The following MSRB3 variants were observed in gnomAD, a reference collection of about 807,000 sequenced individuals.
The protein encoded by MSRB3 is methionine sulfoxide reductase B3.
In MSRB3, 13 loss-of-function variants were observed where a neutral mutation model predicts 21.0. The ratio of observed to expected loss-of-function variants is 0.62; its 90% CI spans 0.40 to 0.98. MSRB3 has a LOEUF of 0.98. MSRB3 is among the 50% of genes least tolerant of loss of function. The pLI is 0.00. For synonymous variants in MSRB3, 87 were observed against 88.6 expected (o/e 0.98, Z 0.10); for missense variants, 199 against 230.3 (o/e 0.86, Z 0.88).
At chr12:65,312,175 G>C (rs570644104) in intron 2 of MSRB3, among the ~76,000 whole-genome samples, 5 of 152,152 alleles carry the variant, frequency 3.3e-5, no homozygotes, top group Admixed American at 6.5e-5. Context: ...ATTAAAATTA[G>C]ATAGTATATT....
intron 4 of MSRB3, among the ~76,000 whole-genome samples, chr12:65,346,568 G>T (rs1228958381): frequency 6.6e-6 from 1 of 152,066 alleles, no homozygotes; most frequent in Non-Finnish European, 1.5e-5. Flanking sequence ...TTCTTTTGCT[G>T]TGCAGAAGCT....
At chr12:65,349,351 T>C (rs1405994501) in intron 4 of MSRB3, among the ~76,000 whole-genome samples, 3 of 151,908 alleles carry the variant, frequency 2.0e-5, no homozygotes, top group African/African-American at 7.3e-5. Flanking sequence ...CTATTGTGAA[T>C]AATGCCACAA....
At chr12:65,345,907 T>C (rs1876469648) in intron 4 of MSRB3, among the ~76,000 whole-genome samples, 1 of 152,172 alleles carries the variant, frequency 6.6e-6, no homozygotes, top group African/African-American at 2.4e-5. Flanking sequence ...ACAAAGGACG[T>C]GAAATCATCA....
chr12:65,365,763 A>G (rs970429143), intron 4 of MSRB3, among the ~76,000 whole-genome samples: 2 of 152,180 alleles, frequency 1.3e-5, no homozygotes, highest in African/African-American at 4.8e-5. Context: ...TACACCTTAT[A>G]ATGAAAAATG....
chr12:65,293,492 A>C (rs1872774137), intron 1 of MSRB3, among the ~76,000 whole-genome samples: 1 of 151,832 alleles, frequency 6.6e-6, no homozygotes, highest in South Asian at 2.1e-4. Context: ...AATAAGCTAC[A>C]CTCTTACCTC....
intron 1 of MSRB3, chr12:65,279,624 C>G (rs1250497141): frequency 6.6e-6 from 1 of 152,164 alleles, no homozygotes; most frequent in Non-Finnish European, 1.5e-5. Flanking sequence ...AAGTGCTGTT[C>G]CTGCCTTATT....
chr12:65,290,524 A>G (rs973513238), intron 1 of MSRB3, among the ~76,000 whole-genome samples: 3 of 152,226 alleles, frequency 2.0e-5, no homozygotes, highest in Non-Finnish European at 2.9e-5. Flanking sequence ...GCCATGACAC[A>G]ATGTAATTTT....
At chr12:65,294,604 G>A (rs1044750756) in intron 1 of MSRB3, among the ~76,000 whole-genome samples, 2 of 152,102 alleles carry the variant, frequency 1.3e-5, no homozygotes, top group African/African-American at 2.4e-5. Flanking sequence ...ATGCATGTGC[G>A]AGCAATTTGT....
intron 2 of MSRB3, among the ~76,000 whole-genome samples, chr12:65,317,379 C>T (rs894562431): frequency 4.6e-5 from 7 of 152,154 alleles, no homozygotes; most frequent in East Asian, 1.9e-4. Flanking sequence ...ACTTTCTCCC[C>T]GCCTTTTTAG....
intron 4 of MSRB3, among the ~76,000 whole-genome samples, chr12:65,335,191 C>A (rs1875682632): frequency 6.6e-6 from 1 of 152,128 alleles, no homozygotes; most frequent in African/African-American, 2.4e-5. Flanking sequence ...AGGTATTCAA[C>A]AAATGTTAAA....
intron 5 of MSRB3, among the ~76,000 whole-genome samples, chr12:65,389,235 C>G (rs1217575776): frequency 6.6e-6 from 1 of 152,178 alleles, no homozygotes; most frequent in Non-Finnish European, 1.5e-5. Flanking sequence ...ACTATCCTCA[C>G]AGTCATTTCT....
intron 4 of MSRB3, among the ~76,000 whole-genome samples, chr12:65,346,403 A>G (rs1592546491): frequency 1.3e-5 from 2 of 152,232 alleles, no homozygotes; most frequent in South Asian, 2.1e-4. Flanking sequence ...GTGTCTGTTC[A>G]TATCCTTCAC....
intron 6 of MSRB3, among the ~76,000 whole-genome samples, chr12:65,462,607 G>A (rs1387880552): frequency 2.0e-5 from 3 of 152,176 alleles, no homozygotes; most frequent in Admixed American, 1.3e-4. Flanking sequence ...TTGCAGCCCT[G>A]GTGACTGTGA....
intron 1 of MSRB3, among the ~76,000 whole-genome samples, chr12:65,282,852 G>A (rs1294219443): frequency 6.6e-6 from 1 of 152,086 alleles, no homozygotes; most frequent in East Asian, 1.9e-4. Context: ...TTTCCCTAAA[G>A]TCTCTTCTAA....
chr12:65,435,763 C>G (rs1882087121), intron 5 of MSRB3, among the ~76,000 whole-genome samples: 1 of 151,848 alleles, frequency 6.6e-6, no homozygotes, highest in South Asian at 2.1e-4. Flanking sequence ...ATTCATTTCT[C>G]ATAAGAAAGG....
chr12:65,392,811 G>T (rs1879555845), intron 5 of MSRB3, among the ~76,000 whole-genome samples: 2 of 152,132 alleles, frequency 1.3e-5, no homozygotes, highest in Non-Finnish European at 2.9e-5. Context: ...CCCTCTTGTT[G>T]ACTTGTTGCT....
intron 4 of MSRB3, among the ~76,000 whole-genome samples, chr12:65,331,799 A>G (rs1037197775): frequency 3.9e-5 from 6 of 152,198 alleles, no homozygotes; most frequent in Non-Finnish European, 7.3e-5. Flanking sequence ...AGCTGCGTAC[A>G]CGGGAGGAGA....
At chr12:65,403,930 T>C (rs1206414330) in intron 5 of MSRB3, among the ~76,000 whole-genome samples, 1 of 152,190 alleles carries the variant, frequency 6.6e-6, no homozygotes, top group African/African-American at 2.4e-5. Context: ...CTCCATGGGC[T>C]GCACCCACTG....
At chr12:65,369,768 T>A (rs746033181) in intron 5 of MSRB3, among the ~76,000 whole-genome samples, 21 of 152,148 alleles carry the variant, frequency 1.4e-4, no homozygotes, top group Non-Finnish European at 2.9e-4. Flanking sequence ...TGGTAGACTG[T>A]TAACAGATAA....
Sources: gnomAD v4.1 joint callset for allele counts (sites outside exome capture counted in the v4.1 genomes callset) on GRCh38, gnomAD v4.1.1 for gene constraint, MANE v1.5 for transcripts, NCBI Gene and HGNC (gene_info 2026-07-23, HGNC 2026-07-21) for gene names.